The following MYO9B variants were observed in gnomAD, a reference collection of about 807,000 sequenced individuals.
MYO9B encodes the protein unconventional myosin-IXb.
Under a neutral mutation model 229.5 loss-of-function variants are expected in MYO9B, and 71 were observed. That is an observed-to-expected ratio of 0.31 (90% CI 0.26 to 0.38). The LOEUF (loss-of-function observed/expected upper bound fraction) is 0.38, where lower values mean the gene tolerates loss of function less well. MYO9B is among the 10% of genes least tolerant of loss of function. The probability of loss-of-function intolerance (pLI) is 1.00; values close to 1 mark genes in which losing one functional copy is unlikely to be tolerated. For missense variants in MYO9B, 2,255 were observed against 2,920.5 expected (o/e 0.77, Z 5.25); for synonymous variants, 1,185 against 1,235.8 (o/e 0.96, Z 0.86).
At chr19:17,209,831 C>T (rs1342003908) in intron 36 of MYO9B, 122 bp downstream of exon 36, 5 of 1,302,140 alleles carry the variant, frequency 3.8e-6, no homozygotes, top group Non-Finnish European at 5.2e-6. Context: ...GTGGGCGGGG[C>T]CTTGGGTGGG....
chr19:17,096,807 G>A (rs1390803476), intron 1 of MYO9B, among the ~76,000 whole-genome samples: 4 of 148,558 alleles, frequency 2.7e-5, no homozygotes, highest in Non-Finnish European at 4.5e-5. Context: ...CCGGGTTCAC[G>A]CCATTCTCCT....
intron 2 of MYO9B, among the ~76,000 whole-genome samples, chr19:17,135,546 C>T (rs1169526040): frequency 3.3e-5 from 5 of 152,172 alleles, no homozygotes; most frequent in Non-Finnish European, 7.3e-5. Context: ...CCCCTCGCTG[C>T]GAGCGCTGGG....
intron 14 of MYO9B, chr19:17,180,706 A>T (rs1490389300): frequency 6.0e-6 from 3 of 496,016 alleles, no homozygotes; most frequent in Non-Finnish European, 1.1e-5. Flanking sequence ...AATTTGCCTC[A>T]AAGCCCTGCC....
Position 17,207,231 on chromosome 19 carries a change from C to T in MYO9B, c.5611C>T (p.Leu1871Phe). 6.3e-7 allele frequency: 1 copy of T among 1,597,252 alleles called. No individual in the cohort carries two copies. The highest frequency in any genetic ancestry group is 8.5e-7 in the Non-Finnish European group (1 of 1,173,194). ...SDPLTSMKDVLKITTCVEMLI... is the reference protein window; with the variant it reads ...SDPLTSMKDVFKITTCVEMLI... ...CCCGCTGACCAGCATGAAGGACGTC[C>T]TCAAGATCACCACGTGAGTGCCCAC... is the stretch of plus-strand genomic sequence containing the variant. Residue 1871 changes from leucine (L) to phenylalanine (F), a missense_variant, in exon 35 of 40, where the codon CTC becomes TTC. Around this residue, in one of 7 missense-constraint regions of MYO9B, gnomAD observed 416 missense variants for 605.5 expected, o/e 0.69. Transcript: ENST00000682292.
intron 19 of MYO9B, among the ~76,000 whole-genome samples, chr19:17,190,745 G>T (rs1030540829): frequency 1.1e-4 from 17 of 150,616 alleles, no homozygotes; most frequent in African/African-American, 4.2e-4. Flanking sequence ...TGCAACCTCC[G>T]CCTCCCAGGT....
intron 3 of MYO9B, among the ~76,000 whole-genome samples, chr19:17,150,900 A>C (rs1276153146): frequency 7.1e-6 from 1 of 141,530 alleles, no homozygotes; most frequent in Admixed American, 7.2e-5. Flanking sequence ...CCTCAGACTC[A>C]AGGTCCCACA....
intron 3 of MYO9B, among the ~76,000 whole-genome samples, chr19:17,147,500 GGCCA>G: frequency 7.0e-6 from 1 of 141,848 alleles, no homozygotes; most frequent in South Asian, 2.2e-4. Flanking sequence ...GCCAAGATCA[GGCCA>G]CTGCACTCCA....
intron 2 of MYO9B, among the ~76,000 whole-genome samples, chr19:17,113,458 C>T (rs912354858): frequency 2.0e-5 from 3 of 152,190 alleles, no homozygotes; most frequent in African/African-American, 2.4e-5. Flanking sequence ...GCCCTGCGAG[C>T]GGTCAAGACT....
Position 17,101,606 on chromosome 19 carries a change from C to T in MYO9B, c.-58-54C>T, listed in dbSNP as rs2057745046. On this transcript the variant is annotated intron_variant, in intron 1 of 39. Transcript: ENST00000682292. This position sits in a 1 kb window ranked among gnomAD's most constrained non-coding sequence, Gnocchi z 4.7. ...GCCCAGGAGTGGGACTCCACATGCC[C>T]CTTAAACTTCCTCCCACCATTCTGA... The T allele has an allele frequency of 1.4e-6, 2 of 1,426,698 alleles. No homozygotes were observed. The highest frequency in any genetic ancestry group is 2.5e-5 in the East Asian group (1 of 40,004). 88.4% of individuals were successfully genotyped at this position (1,426,698 alleles called of 1,614,324 possible). A position where few individuals can be genotyped will look rare whatever the true frequency, so the allele number is the denominator to read the frequency against.
chr19:17,110,720 A>G (rs1449099603), intron 2 of MYO9B, among the ~76,000 whole-genome samples: 3 of 152,116 alleles, frequency 2.0e-5, no homozygotes, highest in Admixed American at 1.3e-4. Context: ...CCCGGCCCAC[A>G]GTGGGACACG....
chr19:17,126,520 C>A (rs2058020979), intron 2 of MYO9B, among the ~76,000 whole-genome samples: 1 of 152,220 alleles, frequency 6.6e-6, no homozygotes, highest in African/African-American at 2.4e-5. Context: ...GTCAGAATGG[C>A]TTGACTCTGC....
chr19:17,105,319 CAAAAAAAAAA>C (rs36000160), intron 2 of MYO9B, among the ~76,000 whole-genome samples: 265 of 71,660 alleles, frequency 3.7e-3, no homozygotes, highest in Middle Eastern at 0.03. Context: ...CTGTCTCTAC[CAAAAAAAAAA>C]AAAAAAAAAA....
intron 18 of MYO9B, 68 bp downstream of exon 18, chr19:17,186,069 G>T: frequency 1.4e-6 from 2 of 1,416,906 alleles, no homozygotes; most frequent in Non-Finnish European, 2.0e-6. Flanking sequence ...CGGTGTCCCT[G>T]CATCCAGCCC....
At chr19:17,091,925 C>T (rs1343535204) in intron 1 of MYO9B, among the ~76,000 whole-genome samples, 1 of 152,178 alleles carries the variant, frequency 6.6e-6, no homozygotes, top group Non-Finnish European at 1.5e-5. Context: ...TGCCCTTCTG[C>T]CCCGCACACC....
intron 14 of MYO9B, among the ~76,000 whole-genome samples, chr19:17,179,044 A>C (rs917628794): frequency 6.6e-6 from 1 of 151,580 alleles, no homozygotes; most frequent in Non-Finnish European, 1.5e-5. Context: ...AAAAAAAAAA[A>C]AAAACTAGGG....
chr19:17,078,001 G>A (rs1600006421), intron 1 of MYO9B, among the ~76,000 whole-genome samples: 1 of 152,126 alleles, frequency 6.6e-6, no homozygotes, highest in African/African-American at 2.4e-5. Context: ...AGGTAGAGAC[G>A]TGGGAATCTC....
chr19:17,205,096 A>C (rs1350046139), intron 30 of MYO9B, among the ~76,000 whole-genome samples, 167 bp from the exon 31 acceptor site: 1 of 151,552 alleles, frequency 6.6e-6, no homozygotes, highest in East Asian at 1.9e-4. Context: ...GGTTGCAGTG[A>C]GCCGAGATCA....
At chr19:17,118,000 G>A (rs187884294) in intron 2 of MYO9B, among the ~76,000 whole-genome samples, 34 of 151,376 alleles carry the variant, frequency 2.2e-4, no homozygotes, top group Admixed American at 4.6e-4. Context: ...TATGTGAACT[G>A]AGGTTCTTGC....
In MYO9B at chr19:17,159,450, A is replaced by G. The variant is rs1438141066; in HGVS notation, c.1385A>G (p.Asn462Ser). ...ACCAAAAGAAAAACGGTGACCGTCA[A>G]CGACAAGCTTATCCTTCCCTACAGC... is the stretch of plus-strand genomic sequence containing the variant. ...VLTKRKTVTV[N>S]DKLILPYSLS... The change falls in exon 8 of 40, where the codon AAC (asparagine) becomes AGC (serine). Residue 462 changes from asparagine (N) to serine (S), a missense_variant. Coordinates refer to ENST00000682292, the MANE Select transcript of MYO9B (RefSeq NM_004145.4). 3 of 1,610,834 alleles carry G rather than the reference A, an allele frequency of 1.9e-6. No homozygotes were observed. Among genetic ancestry groups the G allele is most frequent in the Non-Finnish European group, 1.7e-6 (2 of 1,178,536 alleles).
Sources: allele counts gnomAD v4.1 joint callset (sites outside exome capture counted in the v4.1 genomes callset), GRCh38; gene constraint gnomAD v4.1.1; regional missense constraint gnomAD v4.1.1; non-coding constraint Gnocchi (gnomAD v3.1); transcripts MANE v1.5; gene names NCBI Gene and HGNC (gene_info 2026-07-23, HGNC 2026-07-21).